The following CACNA1E variants were observed in gnomAD, a reference collection of about 807,000 sequenced individuals.
CACNA1E encodes calcium voltage-gated channel subunit alpha1 E.
CACNA1E carries 40 observed loss-of-function variants against 259.2 expected under a neutral mutation model. The observed-to-expected ratio is 0.15, with a 90% CI of 0.12 to 0.20. The LOEUF is 0.20. Ranked by LOEUF, CACNA1E falls within the 10% of genes least tolerant of loss-of-function variation. The probability of loss-of-function intolerance (pLI) is 1.00; values close to 1 mark genes in which losing one functional copy is unlikely to be tolerated. For missense variants in CACNA1E, 1,874 were observed against 3,040.1 expected (o/e 0.62, Z 9.02); for synonymous variants, 1,104 against 1,138.5 (o/e 0.97, Z 0.61).
At chr1:181,355,142 T>C (rs2101898258) in intron 1 of CACNA1E, among the ~76,000 whole-genome samples, 1 of 152,226 alleles carries the variant, frequency 6.6e-6, no homozygotes, top group South Asian at 2.1e-4. Flanking sequence ...TCTGCTTGCC[T>C]GGGTTTGGAT....
intron 7 of CACNA1E, among the ~76,000 whole-genome samples, chr1:181,693,700 C>G (rs969770949): frequency 2.0e-5 from 3 of 152,076 alleles, no homozygotes; most frequent in Non-Finnish European, 4.4e-5. Context: ...TAGTCACTAC[C>G]TGGGCAAGAG....
chr1:181,348,254 TC>T (rs1270262440), intron 1 of CACNA1E, among the ~76,000 whole-genome samples: 1 of 151,804 alleles, frequency 6.6e-6, no homozygotes, highest in South Asian at 2.1e-4. Context: ...GCACGCTTTG[TC>T]ATGGGGGTCA....
At chr1:181,425,080 C>CT (rs1370648720) in intron 2 of CACNA1E, among the ~76,000 whole-genome samples, 3 of 152,334 alleles carry the variant, frequency 2.0e-5, no homozygotes, top group Admixed American at 1.3e-4. Flanking sequence ...TGTTTTCCCT[C>CT]TTTTTCAGAA....
At chr1:181,653,144 CTG>C (rs1226903770) in intron 7 of CACNA1E, among the ~76,000 whole-genome samples, 1 of 152,068 alleles carries the variant, frequency 6.6e-6, no homozygotes, top group Non-Finnish European at 1.5e-5. Flanking sequence ...CGGCTTAAAA[CTG>C]TGAGAGAAAC....
At chr1:181,449,682 C>A (rs1403617619) in intron 2 of CACNA1E, among the ~76,000 whole-genome samples, 1 of 152,188 alleles carries the variant, frequency 6.6e-6, no homozygotes, top group Non-Finnish European at 1.5e-5. Context: ...ACATCTGGGG[C>A]TTCTTTCTGT....
intron 3 of CACNA1E, among the ~76,000 whole-genome samples, chr1:181,567,807 C>T (rs1649995844): frequency 1.3e-5 from 2 of 152,018 alleles, no homozygotes; most frequent in Non-Finnish European, 2.9e-5. Context: ...TGGATCAGCT[C>T]CTTTGGAGGG....
At chr1:181,499,416 T>C (rs1324355387) in intron 1 of CACNA1E, among the ~76,000 whole-genome samples, 2 of 152,252 alleles carry the variant, frequency 1.3e-5, no homozygotes, top group African/African-American at 4.8e-5. Flanking sequence ...TCCCAAGCTT[T>C]TCAGGGTGTA....
chr1:181,548,680 C>T (rs1472411858), intron 3 of CACNA1E, among the ~76,000 whole-genome samples: 1 of 152,216 alleles, frequency 6.6e-6, no homozygotes, highest in Admixed American at 6.5e-5. Context: ...GGGCTTTCTT[C>T]CACAGTGTGG....
At chr1:181,397,177 G>T (rs530975684) in intron 1 of CACNA1E, among the ~76,000 whole-genome samples, 1 of 152,198 alleles carries the variant, frequency 6.6e-6, no homozygotes, top group Non-Finnish European at 1.5e-5. Context: ...CTCTGGGAGG[G>T]TCAAGAGCAT....
chr1:181,447,455 C>G (rs1660862386), intron 2 of CACNA1E, among the ~76,000 whole-genome samples: 1 of 151,492 alleles, frequency 6.6e-6, no homozygotes, highest in Admixed American at 6.6e-5. Context: ...GGCTTGAGCC[C>G]AGGAGTTCAA....
intron 3 of CACNA1E, among the ~76,000 whole-genome samples, chr1:181,548,665 G>T (rs1401377753): frequency 6.6e-6 from 1 of 152,222 alleles, no homozygotes; most frequent in Non-Finnish European, 1.5e-5. Context: ...TATCTACACA[G>T]CCCAGGGCTT....
intron 3 of CACNA1E, among the ~76,000 whole-genome samples, chr1:181,553,215 A>C (rs1648364880): frequency 6.6e-6 from 1 of 152,160 alleles, no homozygotes; most frequent in South Asian, 2.1e-4. Context: ...GAGGTCCTTC[A>C]CATCCCTTGT....
chr1:181,440,979 G>A (rs371878547), intron 2 of CACNA1E, among the ~76,000 whole-genome samples: 1 of 74,348 alleles, frequency 1.3e-5, no homozygotes, highest in Non-Finnish European at 2.4e-5. Flanking sequence ...AGACGACCTT[G>A]TTTCAAAAAA....
intron 25 of CACNA1E, among the ~76,000 whole-genome samples, chr1:181,749,570 A>C (rs996745820): frequency 6.6e-6 from 1 of 152,202 alleles, no homozygotes; most frequent in Non-Finnish European, 1.5e-5. Flanking sequence ...ACCTCTCTGA[A>C]TCTCTTCTGT....
In CACNA1E at chr1:181,761,135, C is replaced by T. The variant is rs191064140; in HGVS notation, c.4606-1439C>T. Reference sequence around the variant, plus strand: ...GGTACATGTGGCTTTGTAATAAGGCCTCTTTCAGCCTCATTTTCTCATACA... The same window carrying T: ...GGTACATGTGGCTTTGTAATAAGGCTTCTTTCAGCCTCATTTTCTCATACA... On this transcript the variant is annotated intron_variant, in intron 32 of 47. Coordinates refer to ENST00000367573, the MANE Select transcript of CACNA1E (RefSeq NM_001205293.3). Among the ~76,000 whole-genome samples the T allele has an allele frequency of 2.0e-5, 3 of 152,276 alleles. No individual in the cohort carries two copies. In the East Asian group the frequency reaches 5.8e-4, roughly 29 times the overall value.
intron 1 of CACNA1E, among the ~76,000 whole-genome samples, chr1:181,366,299 G>A (rs1202983143): frequency 6.6e-6 from 1 of 152,116 alleles, no homozygotes; most frequent in African/African-American, 2.4e-5. Flanking sequence ...ATGGCCTTTG[G>A]TCCATGGTAT....
chr1:181,516,747 A>G (rs1488923412), intron 3 of CACNA1E, among the ~76,000 whole-genome samples: 4 of 152,340 alleles, frequency 2.6e-5, no homozygotes, highest in African/African-American at 9.6e-5. Context: ...ATTGTATGTT[A>G]AAGTATTGGT....
At chr1:181,593,454 C>CTTT (rs1285876053) in intron 6 of CACNA1E, among the ~76,000 whole-genome samples, 1 of 152,194 alleles carries the variant, frequency 6.6e-6, no homozygotes, top group Non-Finnish European at 1.5e-5. Context: ...AAAAGTGGCA[C>CTTT]TTTAATAGTT....
rs184417776 is a variant in CACNA1E, at chr1:181,415,237, C to T, written c.434+1657C>T. ...CTAACCCAAAAAATCCCACAATACTCAATGAAAAACTAGCTTTACCATGAC... is the reference window on the plus strand; with the variant it reads ...CTAACCCAAAAAATCCCACAATACTTAATGAAAAACTAGCTTTACCATGAC... On this transcript the variant is annotated intron_variant, in intron 2 of 11. Transcript: ENST00000524607. Among the ~76,000 whole-genome samples the T allele has an allele frequency of 1.4e-4, 21 of 152,302 alleles. No individual in the cohort carries two copies. The East Asian group carries it at 3.3e-3, about 24-fold the overall frequency.
Sources: gnomAD v4.1 joint callset for allele counts (sites outside exome capture counted in the v4.1 genomes callset) on GRCh38, gnomAD v4.1.1 for gene constraint, MANE v1.5 for transcripts, NCBI Gene and HGNC (gene_info 2026-07-23, HGNC 2026-07-21) for gene names.